The following RABGAP1L variants were observed in gnomAD, a reference collection of about 807,000 sequenced individuals.
RABGAP1L encodes the protein RAB GTPase activating protein 1 like.
In RABGAP1L, 63 loss-of-function variants were observed where a neutral mutation model predicts 137.7. That is an observed-to-expected ratio of 0.46 (90% CI 0.37 to 0.56). RABGAP1L has a LOEUF of 0.56. RABGAP1L is among the 20% of genes least tolerant of loss of function. RABGAP1L has a pLI of 0.00. For synonymous variants in RABGAP1L, 431 were observed against 433.7 expected (o/e 0.99, Z 0.08); for missense variants, 1,095 against 1,244.0 (o/e 0.88, Z 1.80).
chr1:174,493,821 G>GAA (rs1216753395), intron 13 of RABGAP1L, among the ~76,000 whole-genome samples: 8,712 of 89,410 alleles, frequency 0.097, 394 homozygotes, highest in Middle Eastern at 0.21. Flanking sequence ...GACCCTGTCT[G>GAA]AAAAAAAAAA....
intron 13 of RABGAP1L, among the ~76,000 whole-genome samples, chr1:174,534,702 GA>G (rs1326791810): frequency 1.4e-5 from 2 of 142,750 alleles, no homozygotes; most frequent in African/African-American, 5.2e-5. Flanking sequence ...TTGACCCTGG[GA>G]AGCAGAGGTT....
chr1:174,883,590 G>A (rs1459380347), intron 19 of RABGAP1L, among the ~76,000 whole-genome samples: 3 of 152,112 alleles, frequency 2.0e-5, no homozygotes, highest in Non-Finnish European at 4.4e-5. Flanking sequence ...GGGTGGGAAG[G>A]CAATGTAGAA....
intron 19 of RABGAP1L, among the ~76,000 whole-genome samples, chr1:174,909,228 T>C (rs1387071975): frequency 6.6e-6 from 1 of 151,942 alleles, no homozygotes; most frequent in Non-Finnish European, 1.5e-5. Context: ...AAAGGTTTTT[T>C]TTTGTTTGTT....
At chr1:174,559,446 A>T (rs1434555094) in intron 13 of RABGAP1L, among the ~76,000 whole-genome samples, 1 of 152,256 alleles carries the variant, frequency 6.6e-6, no homozygotes, top group Non-Finnish European at 1.5e-5. Flanking sequence ...AGTATCTTAA[A>T]ATAACCTTTT....
chr1:174,607,573 T>C (rs999930133), intron 13 of RABGAP1L, among the ~76,000 whole-genome samples: 1 of 152,198 alleles, frequency 6.6e-6, no homozygotes, highest in African/African-American at 2.4e-5. Flanking sequence ...CCACCACTCC[T>C]TTGTGCTCTC....
At chr1:174,358,748 T>C (rs1363692409) in intron 11 of RABGAP1L, among the ~76,000 whole-genome samples, 4 of 152,228 alleles carry the variant, frequency 2.6e-5, no homozygotes, top group Non-Finnish European at 5.9e-5. Flanking sequence ...TAAAGTTCAT[T>C]TATTTCCAAG....
chr1:174,871,198 G>C (rs9425787), intron 19 of RABGAP1L, among the ~76,000 whole-genome samples: 53,216 of 151,156 alleles, frequency 0.35, 11,705 homozygotes, highest in African/African-American at 0.63. Context: ...GAGTCTTGCT[G>C]TGTCACCTAG....
At chr1:174,938,136 TAGCAAATTCC>T (rs957541603) in intron 19 of RABGAP1L, among the ~76,000 whole-genome samples, 1 of 152,194 alleles carries the variant, frequency 6.6e-6, no homozygotes, top group African/African-American at 2.4e-5. Context: ...GGGTAATATT[TAGCAAATTCC>T]AGCCTGTCCT....
At chr1:174,322,770 A>T (rs1298872566) in intron 11 of RABGAP1L, among the ~76,000 whole-genome samples, 1 of 152,158 alleles carries the variant, frequency 6.6e-6, no homozygotes, top group African/African-American at 2.4e-5. Context: ...ACATGAATGG[A>T]TAAAGAGAAG....
intron 13 of RABGAP1L, among the ~76,000 whole-genome samples, chr1:174,609,322 T>C (rs1671010279): frequency 6.6e-6 from 1 of 152,206 alleles, no homozygotes; most frequent in African/African-American, 2.4e-5. Flanking sequence ...TTACAGTTTC[T>C]TAACAGCAGT....
chr1:174,610,310 G>GT (rs967683276), intron 13 of RABGAP1L, among the ~76,000 whole-genome samples: 23 of 148,212 alleles, frequency 1.6e-4, no homozygotes, highest in Non-Finnish European at 3.0e-4. Context: ...GCAGTGTTTG[G>GT]TTTTTTGTCC....
intron 19 of RABGAP1L, among the ~76,000 whole-genome samples, chr1:174,889,365 G>T (rs1444410843): frequency 2.0e-5 from 3 of 151,564 alleles, no homozygotes; most frequent in African/African-American, 7.3e-5. Context: ...CTTGTGGTCC[G>T]CCCGCCTCAG....
chr1:174,618,868 A>G (rs1672163654), intron 13 of RABGAP1L, among the ~76,000 whole-genome samples: 2 of 152,220 alleles, frequency 1.3e-5, no homozygotes, highest in Admixed American at 1.3e-4. Flanking sequence ...TTCAAACCAA[A>G]GGCAAAGAAG....
intron 14 of RABGAP1L, among the ~76,000 whole-genome samples, chr1:174,668,132 A>G (rs1025494006): frequency 6.6e-6 from 1 of 152,200 alleles, no homozygotes. Flanking sequence ...AGATTCTAGA[A>G]TTAGCATTTT....
chr1:174,483,447 G>A (rs1659323387), intron 13 of RABGAP1L, among the ~76,000 whole-genome samples: 1 of 152,146 alleles, frequency 6.6e-6, no homozygotes, highest in African/African-American at 2.4e-5. Flanking sequence ...TTTCATCCAT[G>A]TTGTTGCAAA....
At chr1:174,940,759 T>C (rs10912855) in intron 19 of RABGAP1L, among the ~76,000 whole-genome samples, 56,159 of 152,118 alleles carry the variant, frequency 0.37, 13,624 homozygotes, top group African/African-American at 0.69. Flanking sequence ...CTCATAAGCC[T>C]GGCTACCAAA....
chr1:174,671,577 T>C (rs192900564), intron 14 of RABGAP1L, among the ~76,000 whole-genome samples: 55 of 152,352 alleles, frequency 3.6e-4, no homozygotes, highest in Admixed American at 1.8e-3. Context: ...TTGACTTTTA[T>C]CATTTCTTCT....
intron 19 of RABGAP1L, among the ~76,000 whole-genome samples, chr1:174,830,297 T>C (rs1198346351): frequency 6.8e-6 from 1 of 147,486 alleles, no homozygotes; most frequent in African/African-American, 2.5e-5. Flanking sequence ...AAAAACTAGC[T>C]TAGTTTCTGA....
chr1:174,563,517 A>G (rs1314405381), intron 13 of RABGAP1L, among the ~76,000 whole-genome samples: 2 of 152,038 alleles, frequency 1.3e-5, no homozygotes, highest in African/African-American at 2.4e-5. Context: ...ATAATATTAA[A>G]ACTTGCAAGG....
Sources: gnomAD v4.1 joint callset for allele counts (sites outside exome capture counted in the v4.1 genomes callset) on GRCh38, gnomAD v4.1.1 for gene constraint, MANE v1.5 for transcripts, NCBI Gene and HGNC (gene_info 2026-07-23, HGNC 2026-07-21) for gene names.